The following NELFB variants were observed in gnomAD, a reference collection of about 807,000 sequenced individuals.
NELFB encodes negative elongation factor complex member B, also known as negative elongation factor B.
NELFB carries 34 observed loss-of-function variants against 60.2 expected under a neutral mutation model. The ratio of observed to expected loss-of-function variants is 0.56; its 90% CI spans 0.43 to 0.75. NELFB has a LOEUF of 0.75. NELFB is among the 30% of genes least tolerant of loss of function. The pLI is 0.00. For missense variants in NELFB, 770 were observed against 831.6 expected, an observed-to-expected ratio of 0.93 and a Z score of 0.91; for synonymous variants, 459 against 382.1, an observed-to-expected ratio of 1.20 and a Z score of -2.35.
intron 3 of NELFB, 29 bp from the exon 4 acceptor site, chr9:137,256,795 A>C (rs200029652): frequency 3.1e-6 from 5 of 1,603,380 alleles, no homozygotes; most frequent in Non-Finnish European, 4.3e-6. Context: ...CACAGGTGCC[A>C]CTCACAGGCA....
At position 137,272,975 on chromosome 9, in the gene NELFB, C is replaced by G. The variant is rs1217773478; in HGVS notation, c.*47C>G. 1.4e-6 allele frequency: 2 copies of G among 1,460,968 alleles called. No individual in the cohort carries two copies. Among genetic ancestry groups the G allele is most frequent in the Non-Finnish European group, 1.8e-6 (2 of 1,102,450 alleles). 90.5% of individuals were successfully genotyped at this position (1,460,968 alleles called of 1,614,324 possible). ...GTGCTGGGGCCATGCCGAGTCGCGG[C>G]CCTGCTCAGCCGGAAGAGGCTCCCG... On this transcript the variant is annotated 3_prime_UTR_variant, in exon 13 of 13. Coordinates refer to ENST00000343053, the MANE Select transcript of NELFB (RefSeq NM_015456.5).
At chr9:137,259,696 T>TAA (rs1460524587) in intron 4 of NELFB, among the ~76,000 whole-genome samples, 1 of 150,738 alleles carries the variant, frequency 6.6e-6, no homozygotes, top group East Asian at 1.9e-4. Context: ...TACTACTTTT[T>TAA]AAAATTTATT....
intron 5 of NELFB, among the ~76,000 whole-genome samples, chr9:137,263,698 C>T (rs562597420): frequency 6.6e-6 from 1 of 152,028 alleles, no homozygotes; most frequent in South Asian, 2.1e-4. Context: ...GAGCCAGAGA[C>T]CTGGCCGTTC....
At position 137,267,365 on chromosome 9, in the gene NELFB, T is replaced by C; in HGVS notation, c.1489+19T>C. On this transcript the variant is annotated intron_variant, in intron 10 of 12. Transcript: ENST00000343053. ...GGGCTGGGTAAGTCCTGACGGGCGG[T>C]GCCTGGCTGTGTCTTCCCTGCGGCA... The C allele has an allele frequency of 6.3e-7, 1 of 1,582,542 alleles. No individual in the cohort carries two copies. Among genetic ancestry groups the C allele is most frequent in the Non-Finnish European group, 8.6e-7 (1 of 1,164,690 alleles).
In NELFB at chr9:137,256,859, C is replaced by G. The variant is rs573160731; in HGVS notation, c.546C>G (p.Asp182Glu). 4 of 1,614,078 alleles carry G rather than the reference C, an allele frequency of 2.5e-6. No homozygotes were observed. Among genetic ancestry groups the G allele is most frequent in the African/African-American group, 2.7e-5 (2 of 74,950 alleles). The stretch of plus-strand genomic sequence containing the variant: ...AAAAACTGAAGCTGGTTATGGCTGA[C>G]AAGGAGCTGTATCGAGCCTGCGCCG... Residue 182 changes from aspartate to glutamate, a missense_variant, in exon 4 of 13, where the codon GAC (aspartate) becomes GAG (glutamate). Transcript: ENST00000343053.
chr9:137,268,869 CAGACAGATGAGAGACACAGGACAG>C (rs1313254932), intron 10 of NELFB, among the ~76,000 whole-genome samples: 2 of 151,868 alleles, frequency 1.3e-5, no homozygotes, highest in African/African-American at 4.8e-5. Flanking sequence ...GACATGGAGA[CAGACAGATGAGAGACACAGGACAG>C]AGACAGATGA....
At chr9:137,265,260 C>T (rs1426735273) in intron 6 of NELFB, among the ~76,000 whole-genome samples, 2 of 151,792 alleles carry the variant, frequency 1.3e-5, no homozygotes, top group African/African-American at 2.4e-5. Flanking sequence ...ATCCACCGGC[C>T]TCAGCATCCC....
chr9:137,272,708 C>T (rs1043435774), intron 12 of NELFB, 74 bp from the exon 13 acceptor site: 56 of 1,518,820 alleles, frequency 3.7e-5, no homozygotes, highest in Non-Finnish European at 4.5e-5. Context: ...TGTGTGTGGT[C>T]GGTGGGCACC....
chr9:137,261,077 T>A (rs1830433922), intron 4 of NELFB, among the ~76,000 whole-genome samples: 1 of 150,516 alleles, frequency 6.6e-6, no homozygotes, highest in Admixed American at 6.6e-5. Flanking sequence ...GCGCAGTGAC[T>A]CACGCCTGTA....
At chr9:137,262,945 A>T (rs1339653834) in intron 4 of NELFB, 92 bp from the exon 5 acceptor site, 16 of 1,404,892 alleles carry the variant, frequency 1.1e-5, no homozygotes, top group Non-Finnish European at 1.6e-5. Context: ...ACAGATGTCC[A>T]GAGAGAGGGC....
At position 137,255,905 on chromosome 9, in the gene NELFB, A is replaced by C; in HGVS notation, c.247-2A>C. 1.2e-6 allele frequency: 2 copies of C among 1,613,556 alleles called. No homozygotes were observed. Among genetic ancestry groups the C allele is most frequent in the Non-Finnish European group, 1.7e-6 (2 of 1,179,690 alleles). On this transcript the variant is annotated splice_acceptor_variant, in intron 1 of 12. Coordinates refer to ENST00000343053, the MANE Select transcript of NELFB (RefSeq NM_015456.5). LOFTEE classifies it high-confidence loss of function. Reference sequence around the variant, plus strand: ...GTTTGAGGTTTCTCTTGGCTTCCTCAGACAGAGAATGGTGTGCTGCTGCCA... The same window carrying C: ...GTTTGAGGTTTCTCTTGGCTTCCTCCGACAGAGAATGGTGTGCTGCTGCCA...
intron 1 of NELFB, 105 bp from the exon 2 acceptor site, chr9:137,255,802 C>T: frequency 6.5e-7 from 1 of 1,542,716 alleles, no homozygotes; most frequent in South Asian, 1.2e-5. Flanking sequence ...GCGGTTACCG[C>T]CAGCACGGCT....
intron 10 of NELFB, among the ~76,000 whole-genome samples, chr9:137,271,568 TG>T: frequency 6.6e-6 from 1 of 152,384 alleles, no homozygotes; most frequent in Non-Finnish European, 1.5e-5. Context: ...TGTTGTGTTT[TG>T]GTGTCTGGCT....
intron 2 of NELFB, 78 bp downstream of exon 2, chr9:137,256,148 G>T (rs1412073529): frequency 2.3e-5 from 34 of 1,509,096 alleles, no homozygotes; most frequent in Non-Finnish European, 2.9e-5. Context: ...GGCATTTATT[G>T]TCCTTTTGGC....
intron 4 of NELFB, among the ~76,000 whole-genome samples, chr9:137,258,013 C>T (rs1386633936): frequency 1.3e-5 from 2 of 151,818 alleles, no homozygotes; most frequent in African/African-American, 2.4e-5. Context: ...CTATGTTGCT[C>T]AGGCTGGTCT....
At chr9:137,257,109 G>C (rs1837566774) in intron 4 of NELFB, 55 bp downstream of exon 4, 1 of 1,466,674 alleles carries the variant, frequency 6.8e-7, no homozygotes, top group Non-Finnish European at 9.4e-7. Flanking sequence ...GCCACGGCTA[G>C]CGCCTTCAGC....
At chr9:137,266,237 C>G in intron 7 of NELFB, 94 bp from the exon 8 acceptor site, 1 of 1,123,626 alleles carries the variant, frequency 8.9e-7, no homozygotes, top group Non-Finnish European at 1.3e-6. Context: ...GCCATGGGCA[C>G]CAGAGATCCT....
intron 7 of NELFB, 22 bp from the exon 8 acceptor site, chr9:137,266,309 G>T: frequency 6.2e-7 from 1 of 1,603,526 alleles, no homozygotes; most frequent in Middle Eastern, 1.8e-4. Context: ...TGGGAGAGGC[G>T]CTGAGCCCGT....
intron 6 of NELFB, among the ~76,000 whole-genome samples, chr9:137,265,411 C>T (rs1830506044): frequency 7.3e-5 from 1 of 13,672 alleles, no homozygotes; most frequent in Non-Finnish European, 2.5e-4. Context: ...TTTTTTGAGA[C>T]AGAGTCTCGC....
Sources: allele counts gnomAD v4.1 joint callset (sites outside exome capture counted in the v4.1 genomes callset), GRCh38; gene constraint gnomAD v4.1.1; transcripts MANE v1.5; gene names NCBI Gene and HGNC (gene_info 2026-07-23, HGNC 2026-07-21).